Variants in TLR5 observed in about 807,000 individuals in gnomAD.
TLR5 encodes the protein toll-like receptor 5.
For synonymous variants in TLR5, 373 were observed against 384.4 expected, an observed-to-expected ratio of 0.97 and a Z score of 0.35; for missense variants, 944 against 999.8, an observed-to-expected ratio of 0.94 and a Z score of 0.75.
intron 5 of TLR5, among the ~76,000 whole-genome samples, chr1:223,125,824 G>A (rs962297593): frequency 6.6e-6 from 1 of 152,084 alleles, no homozygotes; most frequent in African/African-American, 2.4e-5. Context: ...GTGTGGCTTG[G>A]GCATCCAGGG....
chr1:223,133,153 G>C (rs1213840825), intron 4 of TLR5, among the ~76,000 whole-genome samples: 1 of 152,138 alleles, frequency 6.6e-6, no homozygotes, highest in Non-Finnish European at 1.5e-5. Flanking sequence ...TTCGGGTTTC[G>C]GGTGAACAAT....
At chr1:223,133,868 G>GA (rs1482647872) in intron 4 of TLR5, among the ~76,000 whole-genome samples, 1 of 152,168 alleles carries the variant, frequency 6.6e-6, no homozygotes, top group Non-Finnish European at 1.5e-5. Flanking sequence ...GGCAGGGACC[G>GA]AGGGGGAGGA....
chr1:223,127,501 A>G (rs1371228917), intron 5 of TLR5: 4 of 152,250 alleles, frequency 2.6e-5, no homozygotes, highest in Admixed American at 6.5e-5. Context: ...CTCTAGCTGC[A>G]TAATACAGCA....
chr1:223,116,981 T>G lies in TLR5; in HGVS notation c.-4-3946A>C, dbSNP rs138941259. On this transcript the variant is annotated intron_variant, in intron 5 of 5. Coordinates refer to ENST00000642603, the MANE Select transcript of TLR5 (RefSeq NM_003268.6). Reference sequence around the variant, plus strand: ...GCGCCTGTGCTCTTCAGTCCTTGGGTGGTCGATGGGACCGGGCGCCGTGGA... The same window carrying G: ...GCGCCTGTGCTCTTCAGTCCTTGGGGGGTCGATGGGACCGGGCGCCGTGGA... Among the ~76,000 whole-genome samples the G allele has an allele frequency of 5.8e-3, 882 of 152,214 alleles. 12 individuals are homozygous for G. Among genetic ancestry groups the G allele is most frequent in the African/African-American group, 0.02 (834 of 41,552 alleles).
chr1:223,110,114 G>A lies in TLR5; in HGVS notation c.*341C>T, dbSNP rs764455534. On this transcript the variant is annotated 3_prime_UTR_variant, in exon 6 of 6. Coordinates refer to ENST00000642603, the MANE Select transcript of TLR5 (RefSeq NM_003268.6). Reference sequence around the variant, plus strand: ...TTTAGCTGAATGCTAGAGAAAGCACGTCAGCCATCTGCAACTTCTCCCAAG... The same window carrying A: ...TTTAGCTGAATGCTAGAGAAAGCACATCAGCCATCTGCAACTTCTCCCAAG... The A allele has an allele frequency of 9.3e-6, 3 of 323,286 alleles. No homozygotes were observed. The highest frequency in any genetic ancestry group is 3.7e-5 in the South Asian group (1 of 27,358). 20.0% of individuals were successfully genotyped at this position (323,286 alleles called of 1,614,324 possible). A position where few individuals can be genotyped will look rare whatever the true frequency, so the allele number is the denominator to read the frequency against.
chr1:223,111,794 T>C lies in TLR5; in HGVS notation c.1238A>G (p.Asn413Ser). 1 of 1,614,196 alleles carries C rather than the reference T, an allele frequency of 6.2e-7. No homozygotes were observed. Among genetic ancestry groups the C allele is most frequent in the Non-Finnish European group, 8.5e-7 (1 of 1,180,026 alleles). ...PSIPDIFLSG[N>S]KLVTLPKINL... ...GATCTTTGGCAAAGTCACTAGTTTA[T>C]TGCCACTCAAGAAGATATCGGGTAT... Residue 413 changes from asparagine (N) to serine (S), a missense_variant, in exon 6 of 6, where the codon AAT becomes AGT. Transcript: ENST00000642603.
At chr1:223,128,346 C>G (rs775101607) in intron 5 of TLR5, 4 of 152,252 alleles carry the variant, frequency 2.6e-5, no homozygotes, top group Admixed American at 6.5e-5. Flanking sequence ...AGGACCGGAC[C>G]ACGGTCCTGC....
At chr1:223,141,814 TATATATATAGAGAGAGAGAG>T (rs1251368943) in intron 1 of TLR5, 51 bp from the exon 2 acceptor site, 425 of 46,798 alleles carry the variant, frequency 9.1e-3, no homozygotes, top group Non-Finnish European at 0.014. Context: ...TATATATATA[TATATATATAGAGAGAGAGAG>T]AGAGAGAGAG....
rs1372268986 is a variant in TLR5, at chr1:223,112,681, T to A, written c.351A>T (p.Gly117=). Residue 117 remains glycine (G), a synonymous_variant, in exon 6 of 6, where the codon GGA becomes GGT. Coordinates refer to ENST00000642603, the MANE Select transcript of TLR5 (RefSeq NM_003268.6). ...GTCTAAGTTCAAACAGATGGAACAGTCCCTGAAAAGCATCTGGATGCAAGA... is the reference window on the plus strand; with the variant it reads ...GTCTAAGTTCAAACAGATGGAACAGACCCTGAAAAGCATCTGGATGCAAGA... The part of the protein sequence containing the change: ...IYFLHPDAFQ[G]LFHLFELRLY... The A allele has an allele frequency of 5.0e-6, 8 of 1,614,112 alleles. No individual in the cohort carries two copies. Among genetic ancestry groups the A allele is most frequent in the Non-Finnish European group, 6.8e-6 (8 of 1,180,052 alleles).
At chr1:223,120,208 GTC>G (rs1656894752) in intron 5 of TLR5, among the ~76,000 whole-genome samples, 1 of 151,964 alleles carries the variant, frequency 6.6e-6, no homozygotes, top group South Asian at 2.1e-4. Flanking sequence ...TTAATTAAGA[GTC>G]TGGCACATTT....
At chr1:223,128,858 C>G (rs915282752) in intron 5 of TLR5, 1 of 152,160 alleles carries the variant, frequency 6.6e-6, no homozygotes, top group African/African-American at 2.4e-5. Context: ...TAGCTTCTTC[C>G]TAGCCTCCGA....
At chr1:223,127,350 GTGTC>G (rs1357417661) in intron 5 of TLR5, 3 of 152,206 alleles carry the variant, frequency 2.0e-5, no homozygotes, top group Admixed American at 1.3e-4. Flanking sequence ...TTCCAAATGG[GTGTC>G]TGAGAGAGTT....
intron 5 of TLR5, among the ~76,000 whole-genome samples, chr1:223,114,848 G>A (rs1396714601): frequency 6.6e-6 from 1 of 152,174 alleles, no homozygotes; most frequent in Non-Finnish European, 1.5e-5. Context: ...CAACACAGCA[G>A]AGTCTTTTAA....
chr1:223,125,317 A>T (rs1657122186), intron 5 of TLR5, among the ~76,000 whole-genome samples: 1 of 152,200 alleles, frequency 6.6e-6, no homozygotes, highest in Admixed American at 6.5e-5. Context: ...GTTCTATATA[A>T]GATTCTACCC....
intron 5 of TLR5, among the ~76,000 whole-genome samples, chr1:223,118,326 C>T (rs1050444976): frequency 6.6e-6 from 1 of 151,942 alleles, no homozygotes; most frequent in African/African-American, 2.4e-5. Flanking sequence ...GCAGGTGGAT[C>T]ACTTGAGGTC....
At chr1:223,128,134 C>G (rs1207349823) in intron 5 of TLR5, 6 of 152,254 alleles carry the variant, frequency 3.9e-5, no homozygotes, top group Admixed American at 1.3e-4. Context: ...ATGCTCCTCC[C>G]CACACAGCTG....
chr1:223,117,964 G>A (rs1656762037), intron 5 of TLR5, among the ~76,000 whole-genome samples: 1 of 152,246 alleles, frequency 6.6e-6, no homozygotes, highest in Non-Finnish European at 1.5e-5. Context: ...GAATAACGCT[G>A]TCAATAAAAA....
rs79082798 is a variant in TLR5, at chr1:223,135,639, G to A, written c.-352-775C>T. Among the ~76,000 whole-genome samples the A allele has an allele frequency of 1.8e-4, 27 of 152,314 alleles. 1 individual carries two copies. In the East Asian group the frequency reaches 4.8e-3, roughly 27 times the overall value. On this transcript the variant is annotated intron_variant, in intron 3 of 5. Coordinates refer to ENST00000642603, the MANE Select transcript of TLR5 (RefSeq NM_003268.6). ...GCATTTTTAAATCCTTGTTAACTCTGAAGTTATCTAAGGAAACTTGCTGAG... is the reference window on the plus strand; with the variant it reads ...GCATTTTTAAATCCTTGTTAACTCTAAAGTTATCTAAGGAAACTTGCTGAG...
At position 223,111,128 on chromosome 1, in the gene TLR5, A is replaced by C. The variant is rs1656307784; in HGVS notation, c.1904T>G (p.Leu635Ter). Reference sequence around the variant, plus strand: ...GAAAAGGGAGAACTTTAGGGACTTTAAGACTTCCTCTTCATCACAACCTTC... The same window carrying C: ...GAAAAGGGAGAACTTTAGGGACTTTCAGACTTCCTCTTCATCACAACCTTC... The part of the protein sequence containing the change: ...STEGCDEEEV[L>*]KSLKFSLFIV... Residue 635 changes from leucine to a stop codon, truncating the protein, a stop_gained, in exon 6 of 6, where the codon TTA becomes TGA. Transcript: ENST00000642603. LOFTEE classifies it low-confidence loss of function (END_TRUNC). 1 of 1,614,230 alleles carries C rather than the reference A, an allele frequency of 6.2e-7. No individual in the cohort carries two copies. Among genetic ancestry groups the C allele is most frequent in the African/African-American group, 1.3e-5 (1 of 75,066 alleles).
Sources: gnomAD v4.1 joint callset for allele counts (sites outside exome capture counted in the v4.1 genomes callset) on GRCh38, gnomAD v4.1.1 for gene constraint, MANE v1.5 for transcripts, NCBI Gene and HGNC (gene_info 2026-07-23, HGNC 2026-07-21) for gene names.